SPTB: variants seen among roughly 807,000 people sequenced by gnomAD.
The protein encoded by SPTB is spectrin beta chain, erythrocytic.
In SPTB, 45 loss-of-function variants were observed where a neutral mutation model predicts 256.2. The ratio of observed to expected loss-of-function variants is 0.18; its 90% CI spans 0.14 to 0.23. The LOEUF (loss-of-function observed/expected upper bound fraction) is 0.23, where lower values mean the gene tolerates loss of function less well. Among genes scored for constraint, SPTB ranks in the 10% least tolerant of loss-of-function variants. The probability of loss-of-function intolerance (pLI) is 1.00; values close to 1 mark genes in which losing one functional copy is unlikely to be tolerated. For synonymous variants in SPTB, 1,231 were observed against 1,243.1 expected, an observed-to-expected ratio of 0.99 and a Z score of 0.21; for missense variants, 2,715 against 3,040.4, an observed-to-expected ratio of 0.89 and a Z score of 2.52.
In SPTB at chr14:64,778,941, C is replaced by T. The variant is rs1179712162; in HGVS notation, c.4563+216G>A. On this transcript the variant is annotated intron_variant, in intron 22 of 35. Coordinates refer to ENST00000644917, the MANE Select transcript of SPTB (RefSeq NM_001355436.2). The surrounding 1 kb of genome is among the most constrained non-coding windows in gnomAD (Gnocchi z 5.2). The stretch of plus-strand genomic sequence containing the variant: ...GGCCCTGAATCCCCAACTACCTCCC[C>T]TCCTCTGTGATCCTCCCAGAATTTG... 2.0e-5 allele frequency among the ~76,000 whole-genome samples: 3 copies of T among 152,176 alleles called. No homozygotes were observed. The highest frequency in any genetic ancestry group is 3.8e-4 in the East Asian group (2 of 5,202).
chr14:64,865,188 C>G (rs1206316393), intron 1 of SPTB, among the ~76,000 whole-genome samples: 27 of 151,988 alleles, frequency 1.8e-4, no homozygotes. Flanking sequence ...ACAGAGAAAC[C>G]AAGTATAGAC....
At chr14:64,815,224 C>T (rs751945877) in intron 2 of SPTB, among the ~76,000 whole-genome samples, 1 of 152,092 alleles carries the variant, frequency 6.6e-6, no homozygotes, top group African/African-American at 2.4e-5. Flanking sequence ...GAGGCAGGAG[C>T]CAAGAGGCTC....
At chr14:64,848,693 T>C (rs1162284531) in intron 1 of SPTB, among the ~76,000 whole-genome samples, 1 of 152,250 alleles carries the variant, frequency 6.6e-6, no homozygotes, top group East Asian at 1.9e-4. Context: ...TTTTACCTTA[T>C]TTACTACTTT....
At position 64,765,041 on chromosome 14, in the gene SPTB, TGCGC is replaced by T. The variant is rs1555366153; in HGVS notation, c.6345+1681_6345+1684del. ...GAGTGTGTGCGTGTGTGTGTGTGTG[TGCGC>T]GCGCGCGCGCGGGTGGTGGATGGGG... is the stretch of plus-strand genomic sequence containing the variant. On this transcript the variant is annotated intron_variant, in intron 32 of 35. Coordinates refer to ENST00000644917, the MANE Select transcript of SPTB (RefSeq NM_001355436.2). Among the ~76,000 whole-genome samples, 532 of 116,986 alleles carry T rather than the reference TGCGC, an allele frequency of 4.5e-3. 2 individuals carry two copies. The highest frequency in any genetic ancestry group is 0.014 in the Admixed American group (138 of 9,534). 76.7% of individuals were successfully genotyped at this position (116,986 alleles called of 152,430 possible).
chr14:64,814,649 G>T (rs1294868266), intron 2 of SPTB, among the ~76,000 whole-genome samples: 2 of 152,108 alleles, frequency 1.3e-5, no homozygotes, highest in African/African-American at 4.8e-5. Context: ...CCGAGTAGCT[G>T]GGATCACAGG....
intron 20 of SPTB, among the ~76,000 whole-genome samples, chr14:64,780,763 C>T (rs534150104): frequency 1.8e-4 from 27 of 152,284 alleles, no homozygotes; most frequent in Non-Finnish European, 1.0e-4. Flanking sequence ...GCCTGAATGG[C>T]CAAGGCAATC....
At chr14:64,801,005 G>C in intron 7 of SPTB, 137 bp from the exon 8 acceptor site, 2 of 749,310 alleles carry the variant, frequency 2.7e-6, no homozygotes, top group South Asian at 3.0e-5. Context: ...AAGAATGGAA[G>C]AGTGTGATGA....
chr14:64,752,118 CA>C (rs541063568), intron 33 of SPTB: 1 of 1,204,320 alleles, frequency 8.3e-7, no homozygotes, highest in Non-Finnish European at 1.1e-6. Flanking sequence ...AAACAAAACA[CA>C]AAAAAAGACA....
intron 1 of SPTB, among the ~76,000 whole-genome samples, chr14:64,868,783 T>C (rs1311582475): frequency 2.6e-5 from 4 of 152,226 alleles, no homozygotes; most frequent in Admixed American, 2.0e-4. Context: ...TCCGACCTTT[T>C]CTAAAGCGGT....
intron 2 of SPTB, among the ~76,000 whole-genome samples, chr14:64,820,525 A>G (rs1027532644): frequency 2.6e-5 from 4 of 152,192 alleles, no homozygotes; most frequent in Non-Finnish European, 5.9e-5. Context: ...CTGAATAGTT[A>G]AGGCCCAGGC....
intron 33 of SPTB, among the ~76,000 whole-genome samples, chr14:64,751,049 A>G (rs2081941825): frequency 6.9e-6 from 1 of 144,050 alleles, no homozygotes; most frequent in Non-Finnish European, 1.5e-5. Context: ...GCAATTATAT[A>G]TTATATAATA....
chr14:64,816,636 C>T lies in SPTB; in HGVS notation c.148+6311G>A, dbSNP rs1469839723. ...CTCTGTCTCACTAGACTGTAAGATT[C>T]TCTGGTTGATCTACTTTCCCAAGTC... On this transcript the variant is annotated intron_variant, in intron 2 of 35. Coordinates refer to ENST00000644917, the MANE Select transcript of SPTB (RefSeq NM_001355436.2). This position sits in a 1 kb window ranked among gnomAD's most constrained non-coding sequence, Gnocchi z 4.2. 2.0e-5 allele frequency among the ~76,000 whole-genome samples: 3 copies of T among 152,226 alleles called. No homozygotes were observed. Among genetic ancestry groups the T allele is most frequent in the African/African-American group, 7.2e-5 (3 of 41,450 alleles).
chr14:64,877,844 G>A (rs1225939663), intron 1 of SPTB, among the ~76,000 whole-genome samples: 1 of 152,168 alleles, frequency 6.6e-6, no homozygotes, highest in African/African-American at 2.4e-5. Context: ...TAGGAGTCTT[G>A]CTCCTGTCAT....
intron 1 of SPTB, among the ~76,000 whole-genome samples, chr14:64,860,508 T>G (rs529903457): frequency 1.2e-4 from 17 of 144,940 alleles, no homozygotes; most frequent in Admixed American, 4.8e-4. Flanking sequence ...CAGGTCTGTG[T>G]TTTTTTTTTT....
rs185068890 is a variant in SPTB at position 64,847,031 on chromosome 14, C to T, written c.-51-23886G>A. Among the ~76,000 whole-genome samples, 1 of 152,302 alleles carries T rather than the reference C, an allele frequency of 6.6e-6. No homozygotes were observed. On this transcript the variant is annotated intron_variant, in intron 1 of 35. Coordinates refer to ENST00000644917, the MANE Select transcript of SPTB (RefSeq NM_001355436.2). This position sits in a 1 kb window ranked among gnomAD's most constrained non-coding sequence, Gnocchi z 5.9. ...AGAAGCCAGTCGCCCACCCATACTGCCTCCATCCTCATGTTTCTCAACAGT... is the reference window on the plus strand; with the variant it reads ...AGAAGCCAGTCGCCCACCCATACTGTCTCCATCCTCATGTTTCTCAACAGT...
chr14:64,768,768 A>T (rs2082232296), intron 29 of SPTB, among the ~76,000 whole-genome samples: 1 of 147,652 alleles, frequency 6.8e-6, no homozygotes, highest in South Asian at 2.3e-4. Flanking sequence ...CAGCCCGGGC[A>T]TGAGGCTGGG....
rs1334995942 is a variant in SPTB at position 64,800,395 on chromosome 14, T to C, written c.876+361A>G. Among the ~76,000 whole-genome samples, 4 of 152,166 alleles carry C rather than the reference T, an allele frequency of 2.6e-5. No homozygotes were observed. In the East Asian group the frequency reaches 7.7e-4, roughly 29 times the overall value. On this transcript the variant is annotated intron_variant, in intron 8 of 35. Coordinates refer to ENST00000644917, the MANE Select transcript of SPTB (RefSeq NM_001355436.2). ...AGAGGGAAGGAATCTGGCATGAGGG[T>C]CTATACCAATGGGTGAGTTTCTGGT... is the stretch of plus-strand genomic sequence containing the variant.
chr14:64,763,549 C>A (rs1251397451), intron 32 of SPTB, among the ~76,000 whole-genome samples: 1 of 152,248 alleles, frequency 6.6e-6, no homozygotes, highest in Admixed American at 6.5e-5. Context: ...TGCTGACATA[C>A]AGAAATGTTC....
chr14:64,776,177 A>T (rs1319207126), intron 22 of SPTB, among the ~76,000 whole-genome samples: 1 of 151,896 alleles, frequency 6.6e-6, no homozygotes, highest in African/African-American at 2.4e-5. Flanking sequence ...TCTCTATATA[A>T]TTTTCCTGTG....
Sources: allele counts gnomAD v4.1 joint callset (sites outside exome capture counted in the v4.1 genomes callset), GRCh38; gene constraint gnomAD v4.1.1; non-coding constraint Gnocchi (gnomAD v3.1); transcripts MANE v1.5; gene names NCBI Gene and HGNC (gene_info 2026-07-23, HGNC 2026-07-21).